Variants in POU6F2 observed in about 807,000 individuals in gnomAD.
The protein encoded by POU6F2 is POU domain, class 6, transcription factor 2.
POU6F2 carries 31 observed loss-of-function variants against 71.3 expected under a neutral mutation model. The observed-to-expected ratio is 0.43, with a 90% CI of 0.33 to 0.59. The LOEUF is 0.59. Among genes scored for constraint, POU6F2 ranks in the 20% least tolerant of loss-of-function variants. The probability of loss-of-function intolerance (pLI) is 0.04; values close to 1 mark genes in which losing one functional copy is unlikely to be tolerated. For synonymous variants in POU6F2, 347 were observed against 355.7 expected (o/e 0.98, Z 0.27); for missense variants, 783 against 856.8 (o/e 0.91, Z 1.07).
intron 4 of POU6F2, among the ~76,000 whole-genome samples, chr7:39,252,399 G>GACAGACACACACACACAC (rs1554335522): frequency 3.5e-5 from 5 of 144,268 alleles, no homozygotes; most frequent in African/African-American, 1.3e-4. Context: ...CAGACAGACA[G>GACAGACACACACACACAC]ACACACACAC....
At chr7:39,421,372 A>T (rs1272278264) in intron 6 of POU6F2, among the ~76,000 whole-genome samples, 1 of 152,240 alleles carries the variant, frequency 6.6e-6, no homozygotes, top group East Asian at 1.9e-4. Flanking sequence ...AACAATGGAT[A>T]TTCTCTTCAC....
intron 5 of POU6F2, among the ~76,000 whole-genome samples, chr7:39,354,300 G>A (rs530958857): frequency 6.6e-6 from 1 of 152,104 alleles, no homozygotes. Flanking sequence ...TTAGTTTTAC[G>A]TGTGGTGACC....
intron 4 of POU6F2, among the ~76,000 whole-genome samples, chr7:39,332,778 G>T (rs1406758899): frequency 6.6e-6 from 1 of 152,120 alleles, no homozygotes; most frequent in East Asian, 1.9e-4. Flanking sequence ...AATAGTCTAG[G>T]TGTGGATTGT....
chr7:39,288,079 G>C (rs993553101), intron 4 of POU6F2, among the ~76,000 whole-genome samples: 1 of 152,104 alleles, frequency 6.6e-6, no homozygotes, highest in South Asian at 2.1e-4. Context: ...TCAAAGAGCA[G>C]GTACATTTTA....
At chr7:39,257,358 T>C (rs1317992842) in intron 4 of POU6F2, among the ~76,000 whole-genome samples, 2 of 149,914 alleles carry the variant, frequency 1.3e-5, no homozygotes, top group African/African-American at 4.9e-5. Flanking sequence ...TCAAATTATT[T>C]AATATGCCTT....
At chr7:39,077,305 ACCT>A (rs764584689) in intron 1 of POU6F2, among the ~76,000 whole-genome samples, 45 of 141,178 alleles carry the variant, frequency 3.2e-4, no homozygotes, top group Non-Finnish European at 6.5e-4. Flanking sequence ...AGTCATTTTA[ACCT>A]CCTAGGGCCA....
At chr7:39,373,655 G>T (rs1786656597) in intron 5 of POU6F2, 3 of 389,462 alleles carry the variant, frequency 7.7e-6, no homozygotes, top group South Asian at 3.9e-5. Context: ...CTGGGAACTG[G>T]TCTCCTTATT....
At position 39,219,049 on chromosome 7, in the gene POU6F2, G is replaced by A. The variant is rs541474208; in HGVS notation, c.598+11429G>A. ...CAGGCACAATGGAGGCTAAGGAAGC[G>A]TTTTCAACTTGTCTAATCGTTGTGC... On this transcript the variant is annotated intron_variant, in intron 4 of 9. Coordinates refer to ENST00000518318, the MANE Select transcript of POU6F2 (RefSeq NM_001370959.1). 8.5e-5 allele frequency among the ~76,000 whole-genome samples: 13 copies of A among 152,232 alleles called. No homozygotes were observed. In the South Asian group the frequency reaches 2.1e-3, roughly 24 times the overall value.
At chr7:39,365,279 T>A (rs946895361) in intron 5 of POU6F2, among the ~76,000 whole-genome samples, 2 of 152,086 alleles carry the variant, frequency 1.3e-5, no homozygotes, top group Non-Finnish European at 2.9e-5. Flanking sequence ...AACAAAAACA[T>A]AAAGTGGGGA....
chr7:39,460,849 A>C lies in POU6F2; in HGVS notation c.1658+134A>C. 9.2e-7 allele frequency: 1 copy of C among 1,083,448 alleles called. No individual in the cohort carries two copies. The allele number at this position is 1,083,448 out of a possible 1,614,324, so 67.1% of individuals were successfully genotyped here. On this transcript the variant is annotated intron_variant, in intron 9 of 9. Coordinates refer to ENST00000518318, the MANE Select transcript of POU6F2 (RefSeq NM_001370959.1). This position sits in a 1 kb window ranked among gnomAD's most constrained non-coding sequence, Gnocchi z 4.4. ...GGGAACAAAGTTTGGGGGCAGCTAT[A>C]TGTTGGGATTGGTGATCTTGATGCA...
At chr7:39,174,106 TG>T (rs1793280729) in intron 2 of POU6F2, among the ~76,000 whole-genome samples, 1 of 152,232 alleles carries the variant, frequency 6.6e-6, no homozygotes, top group Non-Finnish European at 1.5e-5. Flanking sequence ...GGGGGTGTGA[TG>T]GAGAAGGCTC....
rs182439998 is a variant in POU6F2, at chr7:39,021,628, T to C, written c.105+43570T>C. ...AGCTTAATATTCATTTTACTATTTTTTTCCCAAAATGTTTACTACAAATTC... is the reference window on the plus strand; with the variant it reads ...AGCTTAATATTCATTTTACTATTTTCTTCCCAAAATGTTTACTACAAATTC... On this transcript the variant is annotated intron_variant, in intron 1 of 9. Coordinates refer to ENST00000518318, the MANE Select transcript of POU6F2 (RefSeq NM_001370959.1). 8.1e-4 allele frequency among the ~76,000 whole-genome samples: 123 copies of C among 152,166 alleles called. 1 individual carries two copies. Among genetic ancestry groups the C allele is most frequent in the Admixed American group, 6.7e-3 (102 of 15,264 alleles).
rs990824928 is a variant in POU6F2 at position 39,019,037 on chromosome 7, T to C, written c.105+40979T>C. 2.6e-5 allele frequency among the ~76,000 whole-genome samples: 4 copies of C among 152,140 alleles called. No homozygotes were observed. In the East Asian group the frequency reaches 7.7e-4, roughly 29 times the overall value. ...CCTTTCATTTTGTAGCCTTATTTGG[T>C]CCATGGTTTCTTAAACCTTATATTT... On this transcript the variant is annotated intron_variant, in intron 1 of 9. Transcript: ENST00000518318.
At chr7:39,180,135 C>T (rs1204193213) in intron 2 of POU6F2, among the ~76,000 whole-genome samples, 3 of 152,090 alleles carry the variant, frequency 2.0e-5, no homozygotes, top group African/African-American at 4.8e-5. Context: ...GGCTGTTATT[C>T]CAATGTAGCA....
intron 4 of POU6F2, among the ~76,000 whole-genome samples, chr7:39,243,277 T>G (rs1379937801): frequency 6.6e-6 from 1 of 152,148 alleles, no homozygotes; most frequent in Non-Finnish European, 1.5e-5. Flanking sequence ...CCTGTGGTTC[T>G]TTCTCAAAAC....
chr7:39,205,805 A>T (rs7777684), intron 3 of POU6F2, among the ~76,000 whole-genome samples: 1 of 152,080 alleles, frequency 6.6e-6, no homozygotes, highest in African/African-American at 2.4e-5. Flanking sequence ...GGCTCTGCAG[A>T]GTCTCCCCCA....
intron 5 of POU6F2, among the ~76,000 whole-genome samples, chr7:39,403,594 C>A (rs1787351205): frequency 6.6e-6 from 1 of 152,118 alleles, no homozygotes; most frequent in African/African-American, 2.4e-5. Context: ...ATTTATTGTT[C>A]CTGGGTTCCC....
At chr7:39,452,234 A>G (rs561831809) in intron 8 of POU6F2, among the ~76,000 whole-genome samples, 1 of 152,340 alleles carries the variant, frequency 6.6e-6, no homozygotes, top group South Asian at 2.1e-4. Context: ...ATCAGATGAG[A>G]AATCTCTGAA....
At chr7:39,145,362 A>G (rs1225522324) in intron 2 of POU6F2, among the ~76,000 whole-genome samples, 2 of 152,248 alleles carry the variant, frequency 1.3e-5, no homozygotes, top group South Asian at 4.1e-4. Context: ...TGAGAGAGAG[A>G]GAACCAGATC....
Sources: gnomAD v4.1 joint callset for allele counts (sites outside exome capture counted in the v4.1 genomes callset) on GRCh38, gnomAD v4.1.1 for gene constraint, Gnocchi (gnomAD v3.1) non-coding constraint, MANE v1.5 for transcripts, NCBI Gene and HGNC (gene_info 2026-07-23, HGNC 2026-07-21) for gene names.